The following MAPKAP1 variants were observed in gnomAD, a reference collection of about 807,000 sequenced individuals.
The protein encoded by MAPKAP1 is target of rapamycin complex 2 subunit MAPKAP1.
In MAPKAP1, 20 loss-of-function variants were observed where a neutral mutation model predicts 65.7. The ratio of observed to expected loss-of-function variants is 0.30; its 90% CI spans 0.21 to 0.44. The LOEUF is 0.44. Among genes scored for constraint, MAPKAP1 ranks in the 20% least tolerant of loss-of-function variants. The pLI is 1.00. For missense variants in MAPKAP1, 423 were observed against 648.0 expected, an observed-to-expected ratio of 0.65 and a Z score of 3.77; for synonymous variants, 222 against 244.3, an observed-to-expected ratio of 0.91 and a Z score of 0.85.
chr9:125,467,684 C>T (rs1853730012), intron 10 of MAPKAP1, among the ~76,000 whole-genome samples: 1 of 152,184 alleles, frequency 6.6e-6, no homozygotes, highest in South Asian at 2.1e-4. Context: ...TGCAAATTCC[C>T]AGCAGAAATC....
intron 10 of MAPKAP1, among the ~76,000 whole-genome samples, chr9:125,453,754 G>T (rs907415293): frequency 3.4e-4 from 51 of 152,096 alleles, no homozygotes; most frequent in African/African-American, 1.2e-3. Context: ...GAGTTATGCA[G>T]ATTTTCCAAA....
intron 10 of MAPKAP1, among the ~76,000 whole-genome samples, chr9:125,466,327 G>C (rs946984064): frequency 2.0e-5 from 3 of 152,062 alleles, no homozygotes; most frequent in East Asian, 3.9e-4. Flanking sequence ...TGAGGAACAC[G>C]GTTTAAAAAG....
intron 4 of MAPKAP1, among the ~76,000 whole-genome samples, chr9:125,629,269 C>G (rs982689681): frequency 2.0e-5 from 3 of 152,160 alleles, no homozygotes; most frequent in African/African-American, 7.2e-5. Context: ...GAACTGAAAA[C>G]AGATATTTGT....
At chr9:125,546,205 A>G (rs777591150) in intron 6 of MAPKAP1, among the ~76,000 whole-genome samples, 5 of 152,218 alleles carry the variant, frequency 3.3e-5, no homozygotes, top group Non-Finnish European at 7.3e-5. Context: ...GTGAGTGTGC[A>G]GTATCTTACT....
At chr9:125,492,988 T>C (rs752893148) in intron 8 of MAPKAP1, among the ~76,000 whole-genome samples, 4 of 151,338 alleles carry the variant, frequency 2.6e-5, no homozygotes, top group East Asian at 3.9e-4. Context: ...TGGAGGAATA[T>C]AGGAAAAAAC....
At chr9:125,448,040 G>T (rs556473537) in intron 10 of MAPKAP1, among the ~76,000 whole-genome samples, 1 of 152,284 alleles carries the variant, frequency 6.6e-6, no homozygotes, top group East Asian at 1.9e-4. Context: ...TCACTAGAGG[G>T]GTTTAAGCAG....
At chr9:125,537,645 C>T (rs139712262) in intron 7 of MAPKAP1, among the ~76,000 whole-genome samples, 1 of 152,270 alleles carries the variant, frequency 6.6e-6, no homozygotes, top group East Asian at 1.9e-4. Context: ...CCATGCCTGG[C>T]TAATTTTTTA....
chr9:125,596,323 G>A, intron 4 of MAPKAP1: 1 of 762,024 alleles, frequency 1.3e-6, no homozygotes, highest in Non-Finnish European at 2.4e-6. Context: ...GGTCATGGAG[G>A]AAACTTCAGT....
intron 4 of MAPKAP1, among the ~76,000 whole-genome samples, chr9:125,614,555 G>A (rs1362170405): frequency 6.6e-6 from 1 of 152,204 alleles, no homozygotes; most frequent in East Asian, 1.9e-4. Flanking sequence ...AACCCTGGAA[G>A]TGGAGGTTGC....
chr9:125,663,573 T>C (rs2131774147), intron 3 of MAPKAP1, among the ~76,000 whole-genome samples: 1 of 152,356 alleles, frequency 6.6e-6, no homozygotes, highest in South Asian at 2.1e-4. Flanking sequence ...AGACAAGGAC[T>C]TTGTCTTGTT....
intron 7 of MAPKAP1, among the ~76,000 whole-genome samples, chr9:125,525,390 G>A (rs1404764763): frequency 6.6e-6 from 1 of 152,140 alleles, no homozygotes; most frequent in African/African-American, 2.4e-5. Flanking sequence ...AAAGTAACAG[G>A]AGGCCGGGCG....
intron 5 of MAPKAP1, among the ~76,000 whole-genome samples, chr9:125,576,495 T>G (rs1038321113): frequency 1.2e-4 from 18 of 150,776 alleles, no homozygotes; most frequent in African/African-American, 4.4e-4. Flanking sequence ...CCTCTCCCTC[T>G]CCCTCTCCCC....
chr9:125,591,507 A>AT (rs1329580443), intron 4 of MAPKAP1, among the ~76,000 whole-genome samples: 1 of 151,102 alleles, frequency 6.6e-6, no homozygotes, highest in African/African-American at 2.5e-5. Context: ...ACTACCCTCT[A>AT]TTTCATAGTA....
chr9:125,668,483 G>T (rs1834404474), intron 3 of MAPKAP1, among the ~76,000 whole-genome samples: 1 of 152,148 alleles, frequency 6.6e-6, no homozygotes. Context: ...TATTTATTAG[G>T]CATCTATTAC....
At chr9:125,546,385 G>A (rs1293390999) in intron 6 of MAPKAP1, among the ~76,000 whole-genome samples, 1 of 152,144 alleles carries the variant, frequency 6.6e-6, no homozygotes, top group Non-Finnish European at 1.5e-5. Flanking sequence ...CGTCTACAGC[G>A]CTTTGGGGGG....
intron 10 of MAPKAP1, among the ~76,000 whole-genome samples, chr9:125,459,808 A>AGAGAGG (rs1337193183): frequency 6.6e-6 from 1 of 151,390 alleles, no homozygotes; most frequent in Non-Finnish European, 1.5e-5. Context: ...GACCGTGGAA[A>AGAGAGG]GAGAGGGAGA....
At chr9:125,576,677 C>G (rs1831411843) in intron 5 of MAPKAP1, among the ~76,000 whole-genome samples, 1 of 152,252 alleles carries the variant, frequency 6.6e-6, no homozygotes, top group South Asian at 2.1e-4. Context: ...CGCCGCCACA[C>G]CTGACTGGTT....
intron 4 of MAPKAP1, among the ~76,000 whole-genome samples, chr9:125,632,828 G>C (rs962301336): frequency 2.6e-5 from 4 of 152,158 alleles, no homozygotes; most frequent in Admixed American, 2.6e-4. Flanking sequence ...CTCTCAGCCA[G>C]GTGCAAAGTC....
At chr9:125,616,773 G>A (rs187925539) in intron 4 of MAPKAP1, among the ~76,000 whole-genome samples, 1 of 152,276 alleles carries the variant, frequency 6.6e-6, no homozygotes, top group East Asian at 1.9e-4. Context: ...TTATCTATAA[G>A]CTGAAGCTGC....
Sources: gnomAD v4.1 joint callset for allele counts (sites outside exome capture counted in the v4.1 genomes callset) on GRCh38, gnomAD v4.1.1 for gene constraint, MANE v1.5 for transcripts, NCBI Gene and HGNC (gene_info 2026-07-23, HGNC 2026-07-21) for gene names.